The following PCP4 variants were observed in gnomAD, a reference collection of about 807,000 sequenced individuals.
The protein encoded by PCP4 is Purkinje cell protein 4.
PCP4 carries 8 observed loss-of-function variants against 10.0 expected under a neutral mutation model. That is an observed-to-expected ratio of 0.80 (90% confidence interval 0.47 to 1.45). The LOEUF is 1.45. Ranked by LOEUF, PCP4 falls within the 40% of genes most tolerant of loss-of-function variation. The pLI is 0.00. For synonymous variants in PCP4, 21 were observed against 23.0 expected, an observed-to-expected ratio of 0.91 and a Z score of 0.24; for missense variants, 54 against 74.4, an observed-to-expected ratio of 0.73 and a Z score of 1.01.
chr21:39,884,532 C>T (rs2087390710), intron 1 of PCP4, among the ~76,000 whole-genome samples: 1 of 151,970 alleles, frequency 6.6e-6, no homozygotes, highest in African/African-American at 2.4e-5. Flanking sequence ...CATGGTGGCT[C>T]ATACCTGTAA....
intron 1 of PCP4, among the ~76,000 whole-genome samples, chr21:39,881,810 A>G (rs1235704390): frequency 1.3e-5 from 2 of 152,210 alleles, no homozygotes; most frequent in African/African-American, 4.8e-5. Flanking sequence ...CGTCCAAGTC[A>G]GGTTTTCCGT....
intron 1 of PCP4, among the ~76,000 whole-genome samples, chr21:39,886,737 C>T (rs372955080): frequency 1.3e-5 from 2 of 152,160 alleles, no homozygotes; most frequent in Non-Finnish European, 2.9e-5. Flanking sequence ...ACACAGAAGT[C>T]ATTAAATAGC....
At chr21:39,894,782 T>C (rs571662748) in intron 1 of PCP4, among the ~76,000 whole-genome samples, 2 of 152,344 alleles carry the variant, frequency 1.3e-5, no homozygotes, top group Admixed American at 1.3e-4. Context: ...GTCGGCAACA[T>C]ATGTTCTTAG....
chr21:39,927,322 C>CTATCTATCTGTCT (rs11400298), intron 2 of PCP4, among the ~76,000 whole-genome samples: 5 of 129,992 alleles, frequency 3.8e-5, no homozygotes, highest in African/African-American at 1.6e-4. Context: ...ATCTATCTAT[C>CTATCTATCTGTCT]ATCTATCTAT....
intron 1 of PCP4, among the ~76,000 whole-genome samples, chr21:39,888,914 C>T (rs570000510): frequency 1.3e-4 from 20 of 152,348 alleles, no homozygotes; most frequent in South Asian, 4.1e-4. Context: ...CTAATTTCTA[C>T]GTTTCACTTT....
intron 2 of PCP4, among the ~76,000 whole-genome samples, chr21:39,927,483 C>G (rs1316530585): frequency 6.6e-6 from 1 of 152,192 alleles, no homozygotes; most frequent in African/African-American, 2.4e-5. Flanking sequence ...TCTGATAGAG[C>G]TGGTGCCTGA....
intron 1 of PCP4, among the ~76,000 whole-genome samples, chr21:39,894,943 G>A (rs1012438196): frequency 6.6e-6 from 1 of 152,076 alleles, no homozygotes; most frequent in Non-Finnish European, 1.5e-5. Context: ...TCTTTTCGTT[G>A]GTTGCTTAGA....
chr21:39,891,663 T>C (rs1260790175), intron 1 of PCP4, among the ~76,000 whole-genome samples: 1 of 152,246 alleles, frequency 6.6e-6, no homozygotes, highest in Non-Finnish European at 1.5e-5. Context: ...CGTTATTTAT[T>C]GCATACAAGA....
In PCP4 at chr21:39,909,899, G is replaced by A. The variant is rs375711155; in HGVS notation, c.61+11372G>A. Among the ~76,000 whole-genome samples, 47 of 151,568 alleles carry A rather than the reference G, an allele frequency of 3.1e-4. No homozygotes were observed. In the East Asian group the frequency reaches 6.0e-3, roughly 19 times the overall value. Reference sequence around the variant, plus strand: ...CAACCTCTGCCTCCCGGGTTCAAGCGATTCTCCTGCCTCAGCCACCCGAGT... The same window carrying A: ...CAACCTCTGCCTCCCGGGTTCAAGCAATTCTCCTGCCTCAGCCACCCGAGT... On this transcript the variant is annotated intron_variant, in intron 2 of 2. Transcript: ENST00000328619.
intron 1 of PCP4, among the ~76,000 whole-genome samples, chr21:39,870,109 C>T (rs1218160165): frequency 6.6e-6 from 1 of 152,218 alleles, no homozygotes; most frequent in East Asian, 1.9e-4. Flanking sequence ...TCCAGGCCTC[C>T]CCGCCTTTAA....
At chr21:39,922,005 T>G (rs1191575512) in intron 2 of PCP4, among the ~76,000 whole-genome samples, 2 of 152,212 alleles carry the variant, frequency 1.3e-5, no homozygotes, top group Non-Finnish European at 2.9e-5. Context: ...CTTTGGATTT[T>G]CATGACAATA....
intron 1 of PCP4, among the ~76,000 whole-genome samples, chr21:39,868,677 A>G (rs2087305291): frequency 6.6e-6 from 1 of 152,140 alleles, no homozygotes; most frequent in Non-Finnish European, 1.5e-5. Context: ...TGAACCTCTC[A>G]ACAACTCCGT....
At chr21:39,874,295 AC>A (rs2087334029) in intron 1 of PCP4, among the ~76,000 whole-genome samples, 1 of 152,176 alleles carries the variant, frequency 6.6e-6, no homozygotes, top group African/African-American at 2.4e-5. Flanking sequence ...CACGAGTCAG[AC>A]CTCTTCCTCG....
At chr21:39,896,959 C>T (rs1459534843) in intron 1 of PCP4, among the ~76,000 whole-genome samples, 4 of 151,998 alleles carry the variant, frequency 2.6e-5, no homozygotes, top group Admixed American at 2.6e-4. Flanking sequence ...TTTCTAGGAT[C>T]CCATTCAGAT....
Position 39,889,125 on chromosome 21 carries a change from C to A in PCP4, c.10-9351C>A, listed in dbSNP as rs915626994. Among the ~76,000 whole-genome samples the A allele has an allele frequency of 4.6e-5, 7 of 152,150 alleles. No homozygotes were observed. The South Asian group carries it at 8.3e-4, about 18-fold the overall frequency. On this transcript the variant is annotated intron_variant, in intron 1 of 2. Transcript: ENST00000328619. ...CTCTGTGGGTCCAGTTGTCCCTTGT[C>A]CCCTGTGGATCTGGCAGCATGAGGA...
At chr21:39,896,458 A>G (rs1337050391) in intron 1 of PCP4, among the ~76,000 whole-genome samples, 2 of 152,220 alleles carry the variant, frequency 1.3e-5, no homozygotes, top group Admixed American at 1.3e-4. Flanking sequence ...CTTGTGTTTA[A>G]AAAGAGGAGG....
chr21:39,900,470 A>G (rs1312853199), intron 2 of PCP4, among the ~76,000 whole-genome samples: 1 of 152,170 alleles, frequency 6.6e-6, no homozygotes, highest in Non-Finnish European at 1.5e-5. Context: ...ATGGTACTGA[A>G]GAAAAGACCT....
rs191226969 is a variant in PCP4 at position 39,922,789 on chromosome 21, C to A, written c.62-6195C>A. 1.8e-3 allele frequency among the ~76,000 whole-genome samples: 271 copies of A among 152,316 alleles called. 3 individuals carry two copies. The highest frequency in any genetic ancestry group is 6.2e-4 in the Non-Finnish European group (42 of 68,034). ...CTAGATAATGTAGCAGTTCACGTAG[C>A]TGCCCAGCCTGATAGATTTTGATTG... On this transcript the variant is annotated intron_variant, in intron 2 of 2. Transcript: ENST00000328619.
rs550423926 is a variant in PCP4, at chr21:39,901,166, C to T, written c.61+2639C>T. Among the ~76,000 whole-genome samples the T allele has an allele frequency of 8.8e-5, 13 of 148,338 alleles. No individual in the cohort carries two copies. In the South Asian group the frequency reaches 1.7e-3, roughly 20 times the overall value. On this transcript the variant is annotated intron_variant, in intron 2 of 2. Coordinates refer to ENST00000328619, the MANE Select transcript of PCP4 (RefSeq NM_006198.3). ...GTAGCCTATGGAAAATTCCACTGCT[C>T]ACTTGTGAGAGTATGAGATTTAAAA... is the stretch of plus-strand genomic sequence containing the variant.
Sources: allele counts gnomAD v4.1 joint callset (sites outside exome capture counted in the v4.1 genomes callset), GRCh38; gene constraint gnomAD v4.1.1; transcripts MANE v1.5; gene names NCBI Gene and HGNC (gene_info 2026-07-23, HGNC 2026-07-21).